TSBP1: variants seen among roughly 807,000 people sequenced by gnomAD.
TSBP1 encodes the protein testis expressed basic protein 1, also known as testis-expressed basic protein 1.
TSBP1 carries 56 observed loss-of-function variants against 68.8 expected under a neutral mutation model. The observed-to-expected ratio is 0.81, with a 90% CI of 0.66 to 1.02. TSBP1 has a LOEUF of 1.02. Among genes scored for constraint, TSBP1 ranks in the 50% least tolerant of loss-of-function variants. The pLI, the probability that TSBP1 is intolerant of heterozygous loss-of-function variation, is 0.00. For synonymous variants in TSBP1, 171 were observed against 208.7 expected, an observed-to-expected ratio of 0.82 and a Z score of 1.56; for missense variants, 502 against 641.2, an observed-to-expected ratio of 0.78 and a Z score of 2.34.
rs748493479 is a variant in TSBP1 at position 32,294,056 on chromosome 6, C to T, written c.638-21G>A. ...TATAACTGAGCATACAACAAAAGGG[C>T]GTGATTTAGATATCAAGTATTTTCT... On this transcript the variant is annotated intron_variant, in intron 22 of 22. Coordinates refer to ENST00000612031, the Ensembl canonical transcript of TSBP1. The T allele has an allele frequency of 1.1e-5, 17 of 1,599,272 alleles. No individual in the cohort carries two copies. In the Admixed American group the frequency reaches 2.1e-4, roughly 19 times the overall value.
chr6:32,339,429 T>C (rs1464273012), intron 10 of TSBP1, 171 bp downstream of exon 11: 1 of 720,170 alleles, frequency 1.4e-6, no homozygotes. Context: ...CCTCCATCTT[T>C]ATGTGCTTTC....
chr6:32,331,592 C>A (rs1194068965), intron 15 of TSBP1, among the ~76,000 whole-genome samples: 1 of 152,164 alleles, frequency 6.6e-6, no homozygotes, highest in Non-Finnish European at 1.5e-5. Flanking sequence ...AAAGAAACAT[C>A]CCTGTCATAT....
chr6:32,300,388 G>T (rs750588634), intron 21 of TSBP1, among the ~76,000 whole-genome samples: 3 of 152,116 alleles, frequency 2.0e-5, no homozygotes, highest in Non-Finnish European at 2.9e-5. Context: ...ATTATTAGTT[G>T]CCAGATTATA....
exon 1 of TSBP1, chr6:32,371,762 G>A (rs993993952): frequency 6.2e-7 from 1 of 1,611,786 alleles, no homozygotes; most frequent in African/African-American, 1.3e-5. Flanking sequence ...TTGTCAGAGA[G>A]AGATCAAGGT....
chr6:32,300,622 AG>A, intron 21 of TSBP1, 57 bp downstream of exon 24: 1 of 1,527,472 alleles, frequency 6.5e-7, no homozygotes, highest in Non-Finnish European at 9.1e-7. Context: ...TTTGGGAAAA[AG>A]AACTTAAAGG....
chr6:32,311,723 C>T (rs9268204), intron 19 of TSBP1, among the ~76,000 whole-genome samples: 32,012 of 152,032 alleles, frequency 0.21, 3,558 homozygotes, highest in East Asian at 0.22. Flanking sequence ...GGAAGAATAG[C>T]GCTTTCTTTT....
At position 32,299,590 on chromosome 6, in the gene TSBP1, A is replaced by G. The variant is rs554647523; in HGVS notation, c.637+332T>C. ...TGTGGCACCCTTTCATATGAGCTTC[A>G]TCTTCTCTACAGCAATCTCTTAAAT... On this transcript the variant is annotated intron_variant, in intron 22 of 22. Coordinates refer to ENST00000612031, the Ensembl canonical transcript of TSBP1. Among the ~76,000 whole-genome samples, 7 of 152,274 alleles carry G rather than the reference A, an allele frequency of 4.6e-5. No homozygotes were observed. In the South Asian group the frequency reaches 8.3e-4, roughly 18 times the overall value.
chr6:32,332,026 C>T lies in TSBP1; in HGVS notation c.493+8G>A, dbSNP rs777737832. ...GTAGAGATAAGTTGATATATACAGG[C>T]AGCTTACCAATAGGTCCTGGAGTTT... On this transcript the variant is annotated splice_region_variant and intron_variant, in intron 15 of 22. Transcript: ENST00000612031. 30 of 1,594,718 alleles carry T rather than the reference C, an allele frequency of 1.9e-5. No individual in the cohort carries two copies. The highest frequency in any genetic ancestry group is 1.0e-4 in the Admixed American group (6 of 59,974).
intron 1 of TSBP1, among the ~76,000 whole-genome samples, chr6:32,370,405 C>CTG (rs147644176): frequency 0.037 from 2,987 of 80,866 alleles, 108 homozygotes; most frequent in Admixed American, 0.058. Flanking sequence ...GCAAGATTTT[C>CTG]TGTATATATA....
Position 32,361,536 on chromosome 6 carries a change from C to T in TSBP1, c.217+4631G>A, listed in dbSNP as rs1262904079. Reference sequence around the variant, plus strand: ...TCCTATTTCTCCATATCCTCTCCAGCACCTGTTTCCTGACTTTTTAATGAT... The same window carrying T: ...TCCTATTTCTCCATATCCTCTCCAGTACCTGTTTCCTGACTTTTTAATGAT... On this transcript the variant is annotated intron_variant, in intron 6 of 22. Transcript: ENST00000612031. This position sits in a 1 kb window ranked among gnomAD's most constrained non-coding sequence, Gnocchi z 4.3. 1.3e-5 allele frequency among the ~76,000 whole-genome samples: 2 copies of T among 152,176 alleles called. No homozygotes were observed. The highest frequency in any genetic ancestry group is 4.8e-5 in the African/African-American group (2 of 41,446).
chr6:32,349,195 CTTTT>C (rs9279592), intron 9 of TSBP1, among the ~76,000 whole-genome samples: 3 of 134,384 alleles, frequency 2.2e-5, no homozygotes, highest in African/African-American at 2.7e-5. Context: ...CCATTTCTTT[CTTTT>C]TTTTTTTTTT....
At chr6:32,350,055 C>A in intron 8 of TSBP1, 1 of 667,628 alleles carries the variant, frequency 1.5e-6, no homozygotes, top group South Asian at 1.5e-5. Context: ...GGACATTTTT[C>A]TGTCCCTATA....
chr6:32,354,654 A>C lies in TSBP1; in HGVS notation c.259+470T>G, dbSNP rs1348591004. Among the ~76,000 whole-genome samples, 5 of 152,142 alleles carry C rather than the reference A, an allele frequency of 3.3e-5. No homozygotes were observed. The East Asian group carries it at 5.8e-4, about 18-fold the overall frequency. ...ATTATTTGTGATAGCAGAAATTGGA[A>C]ATATTGAGAATGCATCGGTAGTAGA... On this transcript the variant is annotated intron_variant, in intron 8 of 22. Coordinates refer to ENST00000612031, the Ensembl canonical transcript of TSBP1.
intron 19 of TSBP1, among the ~76,000 whole-genome samples, chr6:32,311,092 C>T (rs1240655704): frequency 6.6e-6 from 1 of 151,788 alleles, no homozygotes; most frequent in Admixed American, 6.6e-5. Flanking sequence ...GCTGCGAGAC[C>T]CCCCCTTTAC....
At chr6:32,369,916 C>G (rs2127668551) in exon 2 of TSBP1, 2 of 1,608,458 alleles carry the variant, frequency 1.2e-6, no homozygotes, top group Non-Finnish European at 1.7e-6. Context: ...TACATCGTGC[C>G]CATCTTGTTA....
intron 8 of TSBP1, among the ~76,000 whole-genome samples, chr6:32,352,304 G>T (rs1293137161): frequency 6.6e-6 from 1 of 151,902 alleles, no homozygotes; most frequent in Non-Finnish European, 1.5e-5. Context: ...AGTTTGGAGG[G>T]AAGATGGTCA....
intron 1 of TSBP1, 143 bp downstream of exon 1, chr6:32,371,551 T>C: frequency 1.4e-6 from 1 of 704,346 alleles, no homozygotes; most frequent in Non-Finnish European, 2.5e-6. Flanking sequence ...GAGGAATCAA[T>C]AAGAGTGAAA....
At chr6:32,297,043 T>C (rs1002115076) in intron 22 of TSBP1, among the ~76,000 whole-genome samples, 2 of 152,216 alleles carry the variant, frequency 1.3e-5, no homozygotes, top group Admixed American at 1.3e-4. Context: ...GGATTTATTT[T>C]TGAGTAATCT....
intron 8 of TSBP1, 48 bp downstream of exon 8, chr6:32,355,076 T>C: frequency 6.4e-7 from 1 of 1,566,148 alleles, no homozygotes; most frequent in Non-Finnish European, 8.7e-7. Context: ...AAATAGGGCT[T>C]GCAAACCAGA....
Sources: allele counts gnomAD v4.1 joint callset (sites outside exome capture counted in the v4.1 genomes callset), GRCh38; gene constraint gnomAD v4.1.1; non-coding constraint Gnocchi (gnomAD v3.1); transcripts MANE v1.5; gene names NCBI Gene and HGNC (gene_info 2026-07-23, HGNC 2026-07-21).